The following TSHR variants were observed in gnomAD, a reference collection of about 807,000 sequenced individuals.
TSHR encodes the protein thyrotropin receptor.
In TSHR, 51 loss-of-function variants were observed where a neutral mutation model predicts 64.1. The observed-to-expected ratio is 0.80, with a 90% CI of 0.64 to 1.01. The LOEUF (loss-of-function observed/expected upper bound fraction) is 1.01, where lower values mean the gene tolerates loss of function less well. Ranked by LOEUF, TSHR falls within the 50% of genes least tolerant of loss-of-function variation. The pLI is 0.00. For synonymous variants in TSHR, 361 were observed against 361.9 expected, an observed-to-expected ratio of 1.00 and a Z score of 0.03; for missense variants, 877 against 942.8, an observed-to-expected ratio of 0.93 and a Z score of 0.91.
At chr14:80,990,750 G>C (rs1888687159) in intron 1 of TSHR, among the ~76,000 whole-genome samples, 1 of 152,136 alleles carries the variant, frequency 6.6e-6, no homozygotes, top group Admixed American at 6.6e-5. Context: ...CGCCTCCTGG[G>C]TTCAAGCGAT....
At chr14:81,124,846 T>C (rs978284848) in intron 8 of TSHR, among the ~76,000 whole-genome samples, 1 of 152,232 alleles carries the variant, frequency 6.6e-6, no homozygotes, top group Non-Finnish European at 1.5e-5. Context: ...CAGTTTCTGT[T>C]CAAATTTTTT....
At chr14:81,056,777 C>G (rs1885837192) in intron 1 of TSHR, among the ~76,000 whole-genome samples, 1 of 152,166 alleles carries the variant, frequency 6.6e-6, no homozygotes, top group South Asian at 2.1e-4. Context: ...CACAAATCCA[C>G]TTGGATTCTG....
intron 1 of TSHR, among the ~76,000 whole-genome samples, chr14:80,986,202 A>G (rs1281473749): frequency 1.3e-5 from 2 of 152,176 alleles, no homozygotes; most frequent in Non-Finnish European, 2.9e-5. Flanking sequence ...GATTATGTAG[A>G]CTTCCAGGAA....
At chr14:81,032,995 C>T in intron 1 of TSHR, 1 of 353,948 alleles carries the variant, frequency 2.8e-6, no homozygotes, top group Non-Finnish European at 5.6e-6. Flanking sequence ...AGTCAAGCTG[C>T]TGTGTGGGGC....
chr14:81,092,106 G>T (rs931782318), intron 5 of TSHR, among the ~76,000 whole-genome samples: 3 of 152,202 alleles, frequency 2.0e-5, no homozygotes, highest in Non-Finnish European at 4.4e-5. Context: ...GCGAAGTTTG[G>T]CAAGTGAAGG....
intron 7 of TSHR, among the ~76,000 whole-genome samples, chr14:81,106,515 G>T (rs994522595): frequency 6.6e-6 from 1 of 152,086 alleles, no homozygotes; most frequent in East Asian, 1.9e-4. Context: ...TGGCTGGGGA[G>T]ACAAAAAATA....
intron 1 of TSHR, among the ~76,000 whole-genome samples, chr14:81,032,200 T>A (rs770378208): frequency 3.9e-5 from 6 of 152,234 alleles, no homozygotes; most frequent in Middle Eastern, 6.8e-3. Context: ...GCCTGAGACA[T>A]CCATGGGTGG....
At chr14:81,117,636 A>G (rs1227008168) in intron 8 of TSHR, among the ~76,000 whole-genome samples, 3 of 132,438 alleles carry the variant, frequency 2.3e-5, no homozygotes, top group African/African-American at 3.1e-5. Context: ...AACTATTCCA[A>G]TCAATAGAAA....
At chr14:81,005,278 A>G (rs1216332603) in intron 1 of TSHR, among the ~76,000 whole-genome samples, 1 of 151,620 alleles carries the variant, frequency 6.6e-6, no homozygotes, top group South Asian at 2.1e-4. Flanking sequence ...TGTACTCTCA[A>G]TCAGCACTCT....
intron 8 of TSHR, among the ~76,000 whole-genome samples, chr14:81,125,650 A>C (rs1345564084): frequency 2.6e-5 from 4 of 152,048 alleles, no homozygotes; most frequent in African/African-American, 4.8e-5. Context: ...TACCAAGTGA[A>C]GCTCTTGGTG....
chr14:81,012,793 T>G (rs1320091686), intron 1 of TSHR: 1 of 151,384 alleles, frequency 6.6e-6, no homozygotes, highest in East Asian at 1.9e-4. Context: ...GGGTTGTTTG[T>G]TTTTTTCTTG....
intron 1 of TSHR, among the ~76,000 whole-genome samples, chr14:81,048,897 T>C (rs1324073202): frequency 6.6e-6 from 1 of 152,200 alleles, no homozygotes; most frequent in Admixed American, 6.5e-5. Flanking sequence ...TAAATGTATA[T>C]ATAGTTCACA....
chr14:81,009,546 A>C (rs1889799182), intron 1 of TSHR, among the ~76,000 whole-genome samples: 2 of 151,970 alleles, frequency 1.3e-5, no homozygotes, highest in Admixed American at 1.3e-4. Flanking sequence ...TGTGCATTTT[A>C]CTCTTCGTTT....
intron 1 of TSHR, among the ~76,000 whole-genome samples, chr14:80,967,896 T>A (rs1302356346): frequency 6.6e-6 from 1 of 152,156 alleles, no homozygotes; most frequent in African/African-American, 2.4e-5. Context: ...GAGAGTTTGC[T>A]GCTGCTAGAA....
At chr14:81,030,373 C>T (rs1594973819) in intron 1 of TSHR, among the ~76,000 whole-genome samples, 1 of 151,996 alleles carries the variant, frequency 6.6e-6, no homozygotes, top group Admixed American at 6.6e-5. Flanking sequence ...CCATTTTTTA[C>T]CTCAAGGATT....
In TSHR at chr14:81,146,069, T is replaced by C. The variant is rs2140117409; in HGVS notation, c.*1716T>C. On this transcript the variant is annotated 3_prime_UTR_variant, in exon 10 of 10. Transcript: ENST00000298171. ...ATTATAAACATCGAAAATCATGACT[T>C]ACCTAGAAGTTCGCTTGTAACTAAT... 4.3e-6 allele frequency: 1 copy of C among 230,428 alleles called. No individual in the cohort carries two copies. Among genetic ancestry groups the C allele is most frequent in the South Asian group, 1.8e-4 (1 of 5,494 alleles). 14.3% of individuals were successfully genotyped at this position (230,428 alleles called of 1,614,324 possible). A position where few individuals can be genotyped will look rare whatever the true frequency, so the allele number is the denominator to read the frequency against.
At chr14:81,078,198 AT>A (rs1887637328) in intron 3 of TSHR, among the ~76,000 whole-genome samples, 1 of 152,182 alleles carries the variant, frequency 6.6e-6, no homozygotes, top group South Asian at 2.1e-4. Flanking sequence ...AACTTTTAGT[AT>A]TTCACTGTGG....
intron 3 of TSHR, among the ~76,000 whole-genome samples, chr14:81,071,917 G>A (rs1331868978): frequency 1.3e-5 from 2 of 151,850 alleles, no homozygotes; most frequent in East Asian, 1.9e-4. Context: ...ATCTTTATTG[G>A]TAAATTCACT....
intron 8 of TSHR, among the ~76,000 whole-genome samples, chr14:81,126,652 T>C (rs1891032461): frequency 1.3e-5 from 2 of 152,238 alleles, no homozygotes. Context: ...CAAAATGTTC[T>C]AAACCTTGTA....
Sources: allele counts gnomAD v4.1 joint callset (sites outside exome capture counted in the v4.1 genomes callset), GRCh38; gene constraint gnomAD v4.1.1; transcripts MANE v1.5; gene names NCBI Gene and HGNC (gene_info 2026-07-23, HGNC 2026-07-21).